ACTR3: variants seen among roughly 807,000 people sequenced by gnomAD.
The protein encoded by ACTR3 is actin-related protein 3.
Under a neutral mutation model 56.8 loss-of-function variants are expected in ACTR3, and 12 were observed. The observed-to-expected ratio is 0.21, with a 90% CI of 0.14 to 0.34. The LOEUF (loss-of-function observed/expected upper bound fraction) is 0.34. Ranked by LOEUF, ACTR3 falls within the 10% of genes least tolerant of loss-of-function variation. The pLI, the probability that ACTR3 is intolerant of heterozygous loss-of-function variation, is 1.00. For synonymous variants in ACTR3, 162 were observed against 167.4 expected, an observed-to-expected ratio of 0.97 and a Z score of 0.25; for missense variants, 282 against 512.5, an observed-to-expected ratio of 0.55 and a Z score of 4.34.
chr2:113,913,088 C>T, intron 1 of ACTR3, 84 bp from the exon 2 acceptor site: 2 of 926,828 alleles, frequency 2.2e-6, no homozygotes, highest in Non-Finnish European at 3.3e-6. Flanking sequence ...TGGAATCTCA[C>T]TTCATAACAA....
intron 1 of ACTR3, among the ~76,000 whole-genome samples, chr2:113,912,295 T>C (rs1679322222): frequency 6.6e-6 from 1 of 152,156 alleles, no homozygotes; most frequent in Non-Finnish European, 1.5e-5. Flanking sequence ...TATGGAATAA[T>C]ATAAAATGTT....
At chr2:113,953,843 GGTT>G in intron 10 of ACTR3, 1 of 152,090 alleles carries the variant, frequency 6.6e-6, no homozygotes, top group South Asian at 2.1e-4. Context: ...TAATTTTACC[GGTT>G]GTTTCACTAA....
At chr2:113,906,603 T>C (rs1234901074) in intron 1 of ACTR3, among the ~76,000 whole-genome samples, 6 of 152,198 alleles carry the variant, frequency 3.9e-5, no homozygotes, top group Non-Finnish European at 8.8e-5. Flanking sequence ...GTTTTAGCTC[T>C]TGTGTTTAGG....
At position 113,942,174 on chromosome 2, in the gene ACTR3, T is replaced by C; in HGVS notation, c.685-12T>C. 1 of 1,543,996 alleles carries C rather than the reference T, an allele frequency of 6.5e-7. No individual in the cohort carries two copies. Among genetic ancestry groups the C allele is most frequent in the Non-Finnish European group, 8.6e-7 (1 of 1,157,134 alleles). On this transcript the variant is annotated splice_polypyrimidine_tract_variant and intron_variant, in intron 7 of 11. Coordinates refer to ENST00000263238, the MANE Select transcript of ACTR3 (RefSeq NM_005721.5). ...AAGCAAAAAAAGTTACTTTTGTTTC[T>C]TTGTTTTTCAGGAGCGCTATAGTTA...
intron 7 of ACTR3, 79 bp downstream of exon 7, chr2:113,940,181 GA>G: frequency 8.2e-7 from 1 of 1,223,790 alleles, no homozygotes; most frequent in Non-Finnish European, 1.1e-6. Flanking sequence ...ATTTTTAATA[GA>G]AGAAGAGTAC....
At chr2:113,899,396 TTAAAG>T (rs1239851163) in intron 1 of ACTR3, among the ~76,000 whole-genome samples, 4 of 152,244 alleles carry the variant, frequency 2.6e-5, no homozygotes, top group East Asian at 3.8e-4. Flanking sequence ...ATAGAAGAAC[TTAAAG>T]TAATCAAGTA....
chr2:113,916,344 A>C (rs1389670044), intron 2 of ACTR3, among the ~76,000 whole-genome samples: 1 of 152,146 alleles, frequency 6.6e-6, no homozygotes, highest in Non-Finnish European at 1.5e-5. Flanking sequence ...CACCTAAATG[A>C]ATTGAGATTT....
rs1322169318 is a variant in ACTR3, at chr2:113,890,101, A to T, written c.-179A>T. Reference sequence around the variant, plus strand: ...CCTGCCTGCCTGGGTTGCGGAAGTGATAGCCGCCGACCGAGCCTGCTGCTT... The same window carrying T: ...CCTGCCTGCCTGGGTTGCGGAAGTGTTAGCCGCCGACCGAGCCTGCTGCTT... On this transcript the variant is annotated 5_prime_UTR_variant, in exon 1 of 12. Coordinates refer to ENST00000263238, the MANE Select transcript of ACTR3 (RefSeq NM_005721.5). 6 of 717,178 alleles carry T rather than the reference A, an allele frequency of 8.4e-6. No homozygotes were observed. Among genetic ancestry groups the T allele is most frequent in the Non-Finnish European group, 9.3e-6 (4 of 428,978 alleles). The allele number at this position is 717,178 out of a possible 1,614,324, so 44.4% of individuals were successfully genotyped here.
chr2:113,907,726 A>G (rs995979484), intron 1 of ACTR3, among the ~76,000 whole-genome samples: 3 of 152,064 alleles, frequency 2.0e-5, no homozygotes, highest in Admixed American at 6.5e-5. Flanking sequence ...TAATCCCAGC[A>G]CTTTGAGAGG....
Position 113,894,698 on chromosome 2 carries a change from C to T in ACTR3, c.44+4375C>T, listed in dbSNP as rs183224906. Among the ~76,000 whole-genome samples the T allele has an allele frequency of 1.3e-4, 20 of 152,288 alleles. No homozygotes were observed. In the East Asian group the frequency reaches 2.1e-3, roughly 16 times the overall value. On this transcript the variant is annotated intron_variant, in intron 1 of 11. Transcript: ENST00000263238. ...ACAGTTCAGAATTTTAGGCACAGAA[C>T]GGAAAGGTCCTGTGGAGGACCTGCT...
intron 1 of ACTR3, among the ~76,000 whole-genome samples, chr2:113,909,845 T>C (rs1409204388): frequency 6.6e-6 from 1 of 152,138 alleles, no homozygotes; most frequent in Admixed American, 6.6e-5. Flanking sequence ...TTCATGTGGA[T>C]GGGCCTTTAG....
chr2:113,959,872 C>T lies in ACTR3; in HGVS notation c.*2417C>T, dbSNP rs894947543. 1.3e-5 allele frequency: 2 copies of T among 151,874 alleles called. No individual in the cohort carries two copies. Among genetic ancestry groups the T allele is most frequent in the Non-Finnish European group, 2.9e-5 (2 of 67,886 alleles). 9.4% of individuals were successfully genotyped at this position (151,874 alleles called of 1,614,324 possible). A position where few individuals can be genotyped will look rare whatever the true frequency, so the allele number is the denominator to read the frequency against. On this transcript the variant is annotated 3_prime_UTR_variant, in exon 12 of 12. Coordinates refer to ENST00000263238, the MANE Select transcript of ACTR3 (RefSeq NM_005721.5). ...TCTGATAATTGATGATATAGCTCCT[C>T]GAACTTTGTTTTTTGTTAAAACTTG...
intron 1 of ACTR3, among the ~76,000 whole-genome samples, chr2:113,905,524 A>G (rs1469410092): frequency 1.3e-5 from 2 of 151,770 alleles, no homozygotes; most frequent in Non-Finnish European, 2.9e-5. Flanking sequence ...CTGTTTAACT[A>G]TTTCTAAGTG....
intron 1 of ACTR3, among the ~76,000 whole-genome samples, chr2:113,912,821 C>T (rs1035235466): frequency 2.0e-5 from 3 of 152,084 alleles, no homozygotes; most frequent in South Asian, 2.1e-4. Context: ...CATAATATTC[C>T]ATAGTATAAA....
rs1680257393 is a variant in ACTR3, at chr2:113,958,140, A to G, written c.*685A>G. 1 of 152,606 alleles carries G rather than the reference A, an allele frequency of 6.6e-6. No homozygotes were observed. The highest frequency in any genetic ancestry group is 2.4e-5 in the African/African-American group (1 of 41,452). 9.5% of individuals were successfully genotyped at this position (152,606 alleles called of 1,614,324 possible). On this transcript the variant is annotated 3_prime_UTR_variant, in exon 12 of 12. Transcript: ENST00000263238. ...AGAAGAGTAAAGACAAGAGTGTTGGACCAGTATTGCAGTTCTGTAGTGTCA... is the reference window on the plus strand; with the variant it reads ...AGAAGAGTAAAGACAAGAGTGTTGGGCCAGTATTGCAGTTCTGTAGTGTCA...
chr2:113,957,413 T>C lies in ACTR3; in HGVS notation c.1215T>C (p.Pro405=). Residue 405 remains proline, a synonymous_variant, in exon 12 of 12, where the codon CCT becomes CCC. Transcript: ENST00000263238. ...HTKKDYEEIG[P]SICRHNPVFG... The stretch of plus-strand genomic sequence containing the variant: ...AAAAGGATTATGAAGAAATTGGACC[T>C]AGCATTTGTCGTCACAATCCAGTGT... 1 of 1,613,490 alleles carries C rather than the reference T, an allele frequency of 6.2e-7. No homozygotes were observed. Among genetic ancestry groups the C allele is most frequent in the Non-Finnish European group, 8.5e-7 (1 of 1,179,612 alleles).
Position 113,957,629 on chromosome 2 carries a change from G to C in ACTR3, c.*174G>C. ...TGTATCACCATGCAGATGTAGAAGA[G>C]AGCGAAAGTGATTGTGTTTTTCTTT... On this transcript the variant is annotated 3_prime_UTR_variant, in exon 12 of 12. Transcript: ENST00000263238. 2.1e-6 allele frequency: 1 copy of C among 476,024 alleles called. No homozygotes were observed. The highest frequency in any genetic ancestry group is 3.0e-5 in the East Asian group (1 of 33,518). 29.5% of individuals were successfully genotyped at this position (476,024 alleles called of 1,614,324 possible). A position where few individuals can be genotyped will look rare whatever the true frequency, so the allele number is the denominator to read the frequency against.
At chr2:113,890,074 T>C (rs1446078174), upstream of ACTR3, 7 of 612,968 alleles carry the variant, frequency 1.1e-5, no homozygotes, top group Admixed American at 1.5e-4. Context: ...GGGCGGGGAC[T>C]GCCTGCCTGC....
At position 113,960,530 on chromosome 2, in the gene ACTR3, A is replaced by G. The variant is rs1253776797; in HGVS notation, c.*3075A>G. ...ATAGAAACTTCTTTCAGATAACCCTAAAGATGATACTAGAATGTTTATAAA... is the reference window on the plus strand; with the variant it reads ...ATAGAAACTTCTTTCAGATAACCCTGAAGATGATACTAGAATGTTTATAAA... On this transcript the variant is annotated 3_prime_UTR_variant, in exon 12 of 12. Coordinates refer to ENST00000263238, the MANE Select transcript of ACTR3 (RefSeq NM_005721.5). The G allele has an allele frequency of 2.0e-5, 3 of 152,030 alleles. No homozygotes were observed. The highest frequency in any genetic ancestry group is 4.8e-5 in the African/African-American group (2 of 41,438). The allele number at this position is 152,030 out of a possible 1,614,324, so 9.4% of individuals were successfully genotyped here.
Sources: gnomAD v4.1 joint callset for allele counts (sites outside exome capture counted in the v4.1 genomes callset) on GRCh38, gnomAD v4.1.1 for gene constraint, MANE v1.5 for transcripts, NCBI Gene and HGNC (gene_info 2026-07-23, HGNC 2026-07-21) for gene names.